RFX4: variants seen among roughly 807,000 people sequenced by gnomAD.
RFX4 encodes the protein transcription factor RFX4.
In RFX4, 10 loss-of-function variants were observed where a neutral mutation model predicts 95.0. That is an observed-to-expected ratio of 0.11 (90% CI 0.06 to 0.18). The LOEUF is 0.18. RFX4 is among the 10% of genes least tolerant of loss of function. The pLI, the probability that RFX4 is intolerant of heterozygous loss-of-function variation, is 1.00. For missense variants in RFX4, 640 were observed against 922.0 expected, an observed-to-expected ratio of 0.69 and a Z score of 3.96; for synonymous variants, 321 against 340.7, an observed-to-expected ratio of 0.94 and a Z score of 0.64.
At chr12:106,588,411 C>T (rs1214058246) in intron 1 of RFX4, among the ~76,000 whole-genome samples, 1 of 152,140 alleles carries the variant, frequency 6.6e-6, no homozygotes, top group Non-Finnish European at 1.5e-5. Context: ...ATCACAGACC[C>T]TCACATATGT....
intron 3 of RFX4, among the ~76,000 whole-genome samples, chr12:106,652,405 A>T (rs1460819677): frequency 1.3e-5 from 2 of 152,206 alleles, no homozygotes; most frequent in Admixed American, 1.3e-4. Flanking sequence ...TTGTTGAATG[A>T]ATAAATGACT....
At chr12:106,666,633 G>T (rs1000735967) in intron 4 of RFX4, among the ~76,000 whole-genome samples, 23 of 151,106 alleles carry the variant, frequency 1.5e-4, no homozygotes, top group African/African-American at 5.6e-4. Context: ...TTTAGTTTTT[G>T]AAGTTTCTGT....
intron 2 of RFX4, among the ~76,000 whole-genome samples, chr12:106,631,761 C>A (rs2040420150): frequency 6.6e-6 from 1 of 152,208 alleles, no homozygotes; most frequent in Non-Finnish European, 1.5e-5. Flanking sequence ...TTTGTTACAG[C>A]AGCCTGAATG....
intron 3 of RFX4, among the ~76,000 whole-genome samples, chr12:106,649,818 C>A (rs2040825006): frequency 6.6e-6 from 1 of 152,160 alleles, no homozygotes; most frequent in Non-Finnish European, 1.5e-5. Flanking sequence ...AATGGAGCCC[C>A]CCATTCATCC....
At chr12:106,621,773 C>T (rs716446) in intron 2 of RFX4, among the ~76,000 whole-genome samples, 48,921 of 151,984 alleles carry the variant, frequency 0.32, 8,491 homozygotes, top group African/African-American at 0.46. Flanking sequence ...GCTTGGGTTC[C>T]ATTTCCCAGT....
intron 1 of RFX4, among the ~76,000 whole-genome samples, chr12:106,607,762 GATGAATGA>G (rs74263340): frequency 6.6e-6 from 1 of 151,594 alleles, no homozygotes; most frequent in Non-Finnish European, 1.5e-5. Context: ...GTTGTTGAAT[GATGAATGA>G]ATGAATGAAT....
At chr12:106,753,134 G>C (rs2043040116) in intron 17 of RFX4, among the ~76,000 whole-genome samples, 1 of 152,038 alleles carries the variant, frequency 6.6e-6, no homozygotes, top group African/African-American at 2.4e-5. Context: ...TTGCTTTCCA[G>C]GACAAGTTCA....
intron 17 of RFX4, 136 bp downstream of exon 17, chr12:106,750,929 T>C: frequency 1.4e-6 from 1 of 707,128 alleles, no homozygotes. Flanking sequence ...TCTTTATTTA[T>C]TTATTTATTT....
chr12:106,732,237 G>A lies in RFX4; in HGVS notation c.1459G>A (p.Glu487Lys). 2 of 1,613,962 alleles carry A rather than the reference G, an allele frequency of 1.2e-6. No homozygotes were observed. The highest frequency in any genetic ancestry group is 2.2e-5 in the South Asian group (2 of 91,070). ...ANELMRAMKG[E>K]GSTAEVREEI... ...TGAGCTCATGCGAGCCATGAAGGGA[G>A]AAGGAAGCACTGGTAAGCCAGCATT... The change falls in exon 14 of 18, where the codon GAA (glutamate) becomes AAA (lysine). Residue 487 changes from glutamate to lysine, a missense_variant. Glu to Lys is a moderately conservative substitution (Grantham distance 56). Coordinates refer to ENST00000392842, the MANE Select transcript of RFX4 (RefSeq NM_213594.3).
At chr12:106,600,181 G>A (rs2039680174) in intron 1 of RFX4, among the ~76,000 whole-genome samples, 1 of 152,202 alleles carries the variant, frequency 6.6e-6, no homozygotes, top group Admixed American at 6.5e-5. Context: ...CTGAATCAAT[G>A]TGTGTAGTCA....
intron 2 of RFX4, among the ~76,000 whole-genome samples, chr12:106,619,685 A>T (rs12314294): frequency 2.6e-5 from 4 of 151,920 alleles, no homozygotes; most frequent in Non-Finnish European, 5.9e-5. Context: ...CTCCCTCACT[A>T]TTCTCATCTT....
At position 106,656,349 on chromosome 12, in the gene RFX4, T is replaced by G. The variant is rs185578574; in HGVS notation, c.315+1998T>G. 2.0e-5 allele frequency among the ~76,000 whole-genome samples: 3 copies of G among 152,326 alleles called. No individual in the cohort carries two copies. The East Asian group carries it at 5.8e-4, about 29-fold the overall frequency. ...AGCTACCATATTGGGCAGTGCAGAA[T>G]GAAACGTTCCCAGCATCACAGAAAG... On this transcript the variant is annotated intron_variant, in intron 4 of 17. Transcript: ENST00000392842.
At chr12:106,748,229 C>T (rs2042931530) in intron 16 of RFX4, among the ~76,000 whole-genome samples, 1 of 152,194 alleles carries the variant, frequency 6.6e-6, no homozygotes, top group South Asian at 2.1e-4. Flanking sequence ...GTTCCTCCCT[C>T]TTTACTCCTT....
At chr12:106,731,375 C>G (rs557550165) in intron 13 of RFX4, among the ~76,000 whole-genome samples, 1 of 152,184 alleles carries the variant, frequency 6.6e-6, no homozygotes, top group Non-Finnish European at 1.5e-5. Flanking sequence ...AAATACCCAC[C>G]TTGCCACATG....
chr12:106,731,074 G>A (rs2042603763), intron 13 of RFX4, among the ~76,000 whole-genome samples: 1 of 152,182 alleles, frequency 6.6e-6, no homozygotes, highest in South Asian at 2.1e-4. Context: ...TCAGCTTGGA[G>A]AGAGGTGAGA....
intron 10 of RFX4, among the ~76,000 whole-genome samples, chr12:106,711,724 C>T (rs527757005): frequency 6.6e-6 from 1 of 152,260 alleles, no homozygotes; most frequent in South Asian, 2.1e-4. Context: ...GCCCCTTAAC[C>T]TTTCAGATAT....
intron 1 of RFX4, among the ~76,000 whole-genome samples, chr12:106,596,291 G>T (rs1165229928): frequency 6.6e-6 from 1 of 152,190 alleles, no homozygotes; most frequent in African/African-American, 2.4e-5. Context: ...GAGTTTCCCT[G>T]CACAAGCTCT....
At chr12:106,671,234 T>A (rs1255117680) in intron 4 of RFX4, among the ~76,000 whole-genome samples, 2 of 152,230 alleles carry the variant, frequency 1.3e-5, no homozygotes, top group Non-Finnish European at 2.9e-5. Flanking sequence ...TTCTTGTTGA[T>A]GGCAAATCTT....
At chr12:106,697,952 TTTATAATTA>T (rs939966088) in intron 8 of RFX4, among the ~76,000 whole-genome samples, 6 of 151,842 alleles carry the variant, frequency 4.0e-5, no homozygotes, top group African/African-American at 1.5e-4. Flanking sequence ...TTCGTGTGTG[TTTATAATTA>T]TTATAATTAT....
Sources: gnomAD v4.1 joint callset for allele counts (sites outside exome capture counted in the v4.1 genomes callset) on GRCh38, gnomAD v4.1.1 for gene constraint, MANE v1.5 for transcripts, NCBI Gene and HGNC (gene_info 2026-07-23, HGNC 2026-07-21) for gene names.